Variants in COLEC11 observed in about 807,000 individuals in gnomAD.
The protein encoded by COLEC11 is collectin subfamily member 11.
COLEC11 carries 20 observed loss-of-function variants against 27.3 expected under a neutral mutation model. The observed-to-expected ratio is 0.73, with a 90% CI of 0.51 to 1.06. COLEC11 has a LOEUF of 1.06. Ranked by LOEUF, COLEC11 falls within the 50% of genes least tolerant of loss-of-function variation. COLEC11 has a pLI of 0.00. For synonymous variants in COLEC11, 163 were observed against 154.7 expected (o/e 1.05, Z -0.40); for missense variants, 310 against 383.0 (o/e 0.81, Z 1.59).
intron 3 of COLEC11, among the ~76,000 whole-genome samples, chr2:3,616,716 C>G (rs1020941342): frequency 6.6e-6 from 1 of 152,094 alleles, no homozygotes; most frequent in African/African-American, 2.4e-5. Context: ...GCAGTACAGT[C>G]CAGCTTCGGC....
intron 2 of COLEC11, among the ~76,000 whole-genome samples, chr2:3,610,400 G>A (rs1467711293): frequency 6.6e-6 from 1 of 152,214 alleles, no homozygotes; most frequent in Non-Finnish European, 1.5e-5. Context: ...GTGCTCTGGG[G>A]GACCGAGGGT....
chr2:3,615,678 C>T lies in COLEC11; in HGVS notation c.202+2296C>T, dbSNP rs374931106. Among the ~76,000 whole-genome samples the T allele has an allele frequency of 1.3e-4, 20 of 152,272 alleles. No homozygotes were observed. The South Asian group carries it at 1.9e-3, about 14-fold the overall frequency. ...TACACCTCCCAGACGGGGTGGCGGC[C>T]GGGCAGAGGGGCTCCTCACTTCCCA... On this transcript the variant is annotated intron_variant, in intron 3 of 6. Coordinates refer to ENST00000349077, the MANE Select transcript of COLEC11 (RefSeq NM_024027.5).
At chr2:3,635,725 G>A (rs1227197379) in intron 3 of COLEC11, among the ~76,000 whole-genome samples, 1 of 152,206 alleles carries the variant, frequency 6.6e-6, no homozygotes, top group Non-Finnish European at 1.5e-5. Flanking sequence ...CTCCAGCCTA[G>A]GTGCCATTAG....
chr2:3,610,555 G>A (rs573273626), intron 2 of COLEC11, among the ~76,000 whole-genome samples: 20 of 152,148 alleles, frequency 1.3e-4, no homozygotes, highest in Non-Finnish European at 2.6e-4. Context: ...GGCCTGGACC[G>A]TGGCATGGGT....
At chr2:3,629,890 G>C (rs1159648710) in intron 3 of COLEC11, among the ~76,000 whole-genome samples, 3 of 152,242 alleles carry the variant, frequency 2.0e-5, no homozygotes, top group Middle Eastern at 3.4e-3. Context: ...CACGTATGTA[G>C]GTTTGTAAGT....
intron 1 of COLEC11, among the ~76,000 whole-genome samples, chr2:3,596,495 C>T (rs560940803): frequency 6.6e-6 from 1 of 152,106 alleles, no homozygotes; most frequent in East Asian, 1.9e-4. Flanking sequence ...CATCATGGCA[C>T]CTGGCTAATT....
intron 2 of COLEC11, chr2:3,605,882 G>A: frequency 1.9e-6 from 1 of 535,730 alleles, no homozygotes; most frequent in Non-Finnish European, 3.2e-6. Flanking sequence ...CTCTGGCTGG[G>A]GGCTTTTTTC....
In COLEC11 at chr2:3,632,246, G is replaced by C. The variant is rs190858717; in HGVS notation, c.203-5287G>C. Among the ~76,000 whole-genome samples the C allele has an allele frequency of 7.2e-3, 1,094 of 152,326 alleles. 10 individuals carry two copies. Among genetic ancestry groups the C allele is most frequent in the Middle Eastern group, 0.051 (15 of 294 alleles). On this transcript the variant is annotated intron_variant, in intron 3 of 6. Coordinates refer to ENST00000349077, the MANE Select transcript of COLEC11 (RefSeq NM_024027.5). ...CAGAGGCTGTGCTCGGAATCACGGG[G>C]CACTGTGTTCTTTCCTGGCTCACTG...
intron 3 of COLEC11, among the ~76,000 whole-genome samples, chr2:3,619,721 G>A (rs1664046056): frequency 6.6e-6 from 1 of 152,148 alleles, no homozygotes; most frequent in South Asian, 2.1e-4. Context: ...CGCCTCCTGA[G>A]TTCAACCGAT....
At chr2:3,614,895 C>A (rs370993535) in intron 3 of COLEC11, among the ~76,000 whole-genome samples, 12 of 152,080 alleles carry the variant, frequency 7.9e-5, no homozygotes, top group African/African-American at 2.9e-4. Flanking sequence ...ATTAGGAATC[C>A]GAATAACATC....
intron 1 of COLEC11, among the ~76,000 whole-genome samples, chr2:3,603,016 T>A (rs1446282708): frequency 6.6e-6 from 1 of 152,248 alleles, no homozygotes; most frequent in Non-Finnish European, 1.5e-5. Context: ...TGCCTGACAT[T>A]TGGTCGGCAT....
intron 4 of COLEC11, among the ~76,000 whole-genome samples, chr2:3,637,974 G>A (rs1254910818): frequency 1.3e-5 from 2 of 152,180 alleles, no homozygotes; most frequent in African/African-American, 4.8e-5. Context: ...CTGGAGGCAC[G>A]GCATCTGTTC....
intron 3 of COLEC11, among the ~76,000 whole-genome samples, chr2:3,626,298 C>T (rs942309503): frequency 3.9e-5 from 6 of 152,248 alleles, no homozygotes; most frequent in Non-Finnish European, 7.3e-5. Context: ...AGACCACAGA[C>T]GTGGAACCAG....
chr2:3,637,446 G>A (rs1479828034), intron 3 of COLEC11, 87 bp from the exon 4 acceptor site: 15 of 933,100 alleles, frequency 1.6e-5, no homozygotes, highest in East Asian at 1.4e-4. Context: ...GAAGGAGGGC[G>A]GTCGGGTTAT....
At chr2:3,629,012 G>A (rs954916561) in intron 3 of COLEC11, among the ~76,000 whole-genome samples, 3 of 152,202 alleles carry the variant, frequency 2.0e-5, no homozygotes, top group Non-Finnish European at 2.9e-5. Flanking sequence ...CGCAGCCAGC[G>A]GGAGGGGGCG....
At chr2:3,610,695 C>T (rs1310985388) in intron 2 of COLEC11, among the ~76,000 whole-genome samples, 2 of 152,146 alleles carry the variant, frequency 1.3e-5, no homozygotes, top group Non-Finnish European at 2.9e-5. Flanking sequence ...TGTCTGTGCA[C>T]CTGCTGACCC....
chr2:3,616,882 C>G (rs541591015), intron 3 of COLEC11, among the ~76,000 whole-genome samples: 4 of 152,286 alleles, frequency 2.6e-5, no homozygotes, highest in Non-Finnish European at 5.9e-5. Context: ...CAGGTTCATC[C>G]AGGTCACAAA....
At chr2:3,622,545 C>G (rs114326449) in intron 3 of COLEC11, among the ~76,000 whole-genome samples, 3,488 of 152,146 alleles carry the variant, frequency 0.023, 141 homozygotes, top group African/African-American at 0.078. Context: ...GAGAGTGGGC[C>G]TTTAGGAGGT....
chr2:3,627,283 A>G (rs956227072), intron 3 of COLEC11, among the ~76,000 whole-genome samples: 2 of 137,358 alleles, frequency 1.5e-5, no homozygotes, highest in Admixed American at 7.3e-5. Context: ...GATGCTGTGC[A>G]TGACGACACT....
Sources: gnomAD v4.1 joint callset for allele counts (sites outside exome capture counted in the v4.1 genomes callset) on GRCh38, gnomAD v4.1.1 for gene constraint, MANE v1.5 for transcripts, NCBI Gene and HGNC (gene_info 2026-07-23, HGNC 2026-07-21) for gene names.